RIN2: variants seen among roughly 807,000 people sequenced by gnomAD.
RIN2 encodes the protein RAB5 interacting protein 2.
Under a neutral mutation model 78.0 loss-of-function variants are expected in RIN2, and 36 were observed. That is an observed-to-expected ratio of 0.46 (90% CI 0.35 to 0.61). The LOEUF (loss-of-function observed/expected upper bound fraction) is 0.61. RIN2 is among the 20% of genes least tolerant of loss of function. The pLI is 0.00. For missense variants in RIN2, 1,087 were observed against 1,159.7 expected, an observed-to-expected ratio of 0.94 and a Z score of 0.91; for synonymous variants, 466 against 466.8, an observed-to-expected ratio of 1.00 and a Z score of 0.02.
intron 3 of RIN2, among the ~76,000 whole-genome samples, chr20:19,927,518 A>C (rs2040271992): frequency 6.6e-6 from 1 of 150,994 alleles, no homozygotes; most frequent in African/African-American, 2.4e-5. Context: ...AGGTTCAAGT[A>C]ATTCTCTTGC....
intron 4 of RIN2, among the ~76,000 whole-genome samples, chr20:19,939,119 C>T (rs1022988126): frequency 6.6e-6 from 1 of 152,204 alleles, no homozygotes; most frequent in Non-Finnish European, 1.5e-5. Flanking sequence ...CGATCTCAGC[C>T]TCCTGCAACC....
intron 2 of RIN2, among the ~76,000 whole-genome samples, chr20:19,829,113 T>A (rs2036178496): frequency 6.6e-6 from 1 of 152,222 alleles, no homozygotes; most frequent in Admixed American, 6.5e-5. Flanking sequence ...AAGAGGCTAC[T>A]GAAATTGCCA....
chr20:19,936,429 T>C (rs1356557691), intron 4 of RIN2, among the ~76,000 whole-genome samples: 1 of 152,184 alleles, frequency 6.6e-6, no homozygotes, highest in East Asian at 1.9e-4. Flanking sequence ...CTCTATCCTG[T>C]GCCTTGTTGA....
intron 9 of RIN2, among the ~76,000 whole-genome samples, chr20:19,983,246 A>G (rs1233778777): frequency 1.3e-5 from 2 of 152,232 alleles, no homozygotes; most frequent in African/African-American, 4.8e-5. Flanking sequence ...GAAAGCATCA[A>G]GTTGTTTTGC....
chr20:19,920,170 C>A (rs2039855558), intron 3 of RIN2, among the ~76,000 whole-genome samples: 1 of 152,036 alleles, frequency 6.6e-6, no homozygotes, highest in Non-Finnish European at 1.5e-5. Context: ...GTGGCGGGCG[C>A]CTATAGTCCC....
chr20:19,785,359 C>A (rs1444876463), intron 1 of RIN2, among the ~76,000 whole-genome samples: 1 of 152,024 alleles, frequency 6.6e-6, no homozygotes, highest in Non-Finnish European at 1.5e-5. Context: ...AACATAAGAA[C>A]TTTCATATGC....
At chr20:19,819,220 C>CAGCCTT in intron 2 of RIN2, among the ~76,000 whole-genome samples, 2 of 152,306 alleles carry the variant, frequency 1.3e-5, no homozygotes, top group East Asian at 3.9e-4. Context: ...AGTCCAAGGT[C>CAGCCTT]CAGGTGCCAG....
chr20:19,908,601 C>A (rs945643117), intron 3 of RIN2, among the ~76,000 whole-genome samples: 1 of 152,068 alleles, frequency 6.6e-6, no homozygotes, highest in Non-Finnish European at 1.5e-5. Flanking sequence ...TCCCAGCATG[C>A]AGGTTAATGA....
chr20:19,851,337 A>G (rs2036975854), intron 2 of RIN2, among the ~76,000 whole-genome samples: 1 of 152,164 alleles, frequency 6.6e-6, no homozygotes, highest in African/African-American at 2.4e-5. Context: ...GGTTCCAGAC[A>G]CAGGTGAATC....
chr20:19,875,847 A>G (rs1213924122), intron 2 of RIN2, among the ~76,000 whole-genome samples: 2 of 152,232 alleles, frequency 1.3e-5, no homozygotes, highest in Admixed American at 6.5e-5. Context: ...GAGCTGCTGA[A>G]GCCATTAGGG....
At chr20:19,922,518 C>T (rs2039965646) in intron 3 of RIN2, among the ~76,000 whole-genome samples, 1 of 152,080 alleles carries the variant, frequency 6.6e-6, no homozygotes, top group African/African-American at 2.4e-5. Flanking sequence ...TGAAAAAGGT[C>T]CAAGATAAAA....
intron 1 of RIN2, among the ~76,000 whole-genome samples, chr20:19,788,986 G>A (rs987973261): frequency 1.4e-4 from 22 of 152,200 alleles, no homozygotes; most frequent in Non-Finnish European, 2.9e-4. Context: ...CAGCAAATCT[G>A]TAGCTCTTAC....
intron 3 of RIN2, among the ~76,000 whole-genome samples, chr20:19,897,261 C>T (rs2038775030): frequency 6.6e-6 from 1 of 152,060 alleles, no homozygotes; most frequent in Non-Finnish European, 1.5e-5. Flanking sequence ...GAACCGCCAC[C>T]ATGCCCAGCT....
intron 3 of RIN2, 120 bp from the exon 4 acceptor site, chr20:19,934,979 A>G (rs551900649): frequency 1.7e-4 from 112 of 668,686 alleles, no homozygotes; most frequent in East Asian, 5.3e-4. Context: ...AAAAAAAAAA[A>G]AAAGAAATAG....
chr20:19,774,703 A>G (rs1313599172), intron 1 of RIN2, among the ~76,000 whole-genome samples: 2 of 152,198 alleles, frequency 1.3e-5, no homozygotes, highest in East Asian at 3.9e-4. Flanking sequence ...CTGAATCTCC[A>G]TGGCCATTGT....
At chr20:19,915,212 T>C (rs559736553) in intron 3 of RIN2, among the ~76,000 whole-genome samples, 2 of 151,610 alleles carry the variant, frequency 1.3e-5, no homozygotes, top group African/African-American at 4.8e-5. Context: ...TGTGGGAGAG[T>C]AGGGGAGTGA....
intron 2 of RIN2, among the ~76,000 whole-genome samples, chr20:19,820,604 C>T (rs901360889): frequency 6.6e-6 from 1 of 152,098 alleles, no homozygotes; most frequent in East Asian, 1.9e-4. Context: ...CAGGGGTCTC[C>T]CTGAGCCAGC....
intron 1 of RIN2, among the ~76,000 whole-genome samples, chr20:19,784,953 G>A (rs1156682141): frequency 1.3e-5 from 2 of 152,058 alleles, no homozygotes; most frequent in African/African-American, 4.8e-5. Context: ...CAGAAAGAAG[G>A]CAAAAAGAAT....
intron 2 of RIN2, among the ~76,000 whole-genome samples, chr20:19,804,095 G>A (rs1374241595): frequency 6.6e-6 from 1 of 152,100 alleles, no homozygotes; most frequent in Non-Finnish European, 1.5e-5. Flanking sequence ...AGAGGCTTTT[G>A]GGCTGAGACA....
Sources: allele counts gnomAD v4.1 joint callset (sites outside exome capture counted in the v4.1 genomes callset), GRCh38; gene constraint gnomAD v4.1.1; transcripts MANE v1.5; gene names NCBI Gene and HGNC (gene_info 2026-07-23, HGNC 2026-07-21).